Variants in FRMPD4 observed in about 807,000 individuals in gnomAD.
FRMPD4 encodes FERM and PDZ domain-containing protein 4.
Under a neutral mutation model 94.1 loss-of-function variants are expected in FRMPD4, and 22 were observed. The ratio of observed to expected loss-of-function variants is 0.23; its 90% CI spans 0.17 to 0.33. The LOEUF (loss-of-function observed/expected upper bound fraction) is 0.33, where lower values mean the gene tolerates loss of function less well. FRMPD4 is among the 10% of genes least tolerant of loss of function. The pLI, the probability that FRMPD4 is intolerant of heterozygous loss-of-function variation, is 1.00. For missense variants in FRMPD4, 1,111 were observed against 1,339.9 expected (o/e 0.83, Z 2.67); for synonymous variants, 631 against 548.6 (o/e 1.15, Z -2.10).
intron 16 of FRMPD4, among the ~76,000 whole-genome samples, chrX:12,720,103 G>A (rs1037175884): frequency 9.1e-6 from 1 of 109,481 alleles, no homozygotes; most frequent in African/African-American, 3.3e-5. Context: ...AAAGGAGGAA[G>A]AAAGAAAGAA....
At chrX:11,896,350 C>T (rs1169827618) in intron 3 of FRMPD4, among the ~76,000 whole-genome samples, 1 of 111,950 alleles carries the variant, frequency 8.9e-6, no homozygotes, top group Non-Finnish European at 1.9e-5. Flanking sequence ...CCACAAAATT[C>T]AGATGTTGAA....
rs770404995 is a variant in FRMPD4, at chrX:12,578,806, C to T, written c.159-30915C>T. 1.1e-4 allele frequency among the ~76,000 whole-genome samples: 12 copies of T among 111,920 alleles called. No homozygotes were observed. The South Asian group carries it at 4.4e-3, about 41-fold the overall frequency. The stretch of plus-strand genomic sequence containing the variant: ...AATTTTCATCCTTGTTGGAGCAATG[C>T]TGTCCCTATTGAGAATGCATGATAT... On this transcript the variant is annotated intron_variant, in intron 2 of 16. Transcript: ENST00000675598.
chrX:12,620,943 G>A (rs1400162671), intron 4 of FRMPD4, among the ~76,000 whole-genome samples: 5 of 112,360 alleles, frequency 4.4e-5, no homozygotes, highest in Non-Finnish European at 7.5e-5. Context: ...GAAGAGGGCC[G>A]GGTGCAGTGA....
chrX:12,310,999 C>T (rs938201181), intron 1 of FRMPD4, among the ~76,000 whole-genome samples: 1 of 112,625 alleles, frequency 8.9e-6, no homozygotes, highest in African/African-American at 3.2e-5. Flanking sequence ...TGGATATTCA[C>T]ATGCATAGAT....
At chrX:12,027,464 G>T (rs1051694818) in intron 3 of FRMPD4, among the ~76,000 whole-genome samples, 1 of 112,070 alleles carries the variant, frequency 8.9e-6, no homozygotes, top group African/African-American at 3.2e-5. Context: ...ACTAAAATCA[G>T]CCTGAAACAA....
intron 1 of FRMPD4, among the ~76,000 whole-genome samples, chrX:12,144,094 AG>A (rs1183854290): frequency 8.9e-6 from 1 of 112,273 alleles, no homozygotes; most frequent in Non-Finnish European, 1.9e-5. Context: ...GAGAATGCCT[AG>A]TATTTCCTTA....
At chrX:11,838,385 T>G (rs1266207490) in intron 1 of FRMPD4, among the ~76,000 whole-genome samples, 1 of 111,751 alleles carries the variant, frequency 8.9e-6, no homozygotes, top group Non-Finnish European at 1.9e-5. Flanking sequence ...GCCTTCAGGA[T>G]TGGTGTATTG....
chrX:12,431,705 A>T, intron 1 of FRMPD4, among the ~76,000 whole-genome samples: 1 of 112,097 alleles, frequency 8.9e-6, no homozygotes, highest in Non-Finnish European at 1.9e-5. Context: ...ATATAAGATT[A>T]TTAGACACAA....
intron 3 of FRMPD4, among the ~76,000 whole-genome samples, chrX:12,006,967 A>C (rs1387604336): frequency 3.6e-5 from 4 of 111,966 alleles, no homozygotes; most frequent in African/African-American, 1.3e-4. Flanking sequence ...AGTGTGGCAA[A>C]TGAAGATGGC....
intron 1 of FRMPD4, among the ~76,000 whole-genome samples, chrX:11,856,537 G>A (rs1384601136): frequency 2.7e-5 from 3 of 111,773 alleles, no homozygotes; most frequent in African/African-American, 9.8e-5. Flanking sequence ...CAATAAGCTA[G>A]ATATTGAAGG....
At chrX:12,250,460 C>T (rs373427882) in intron 1 of FRMPD4, among the ~76,000 whole-genome samples, 1 of 111,395 alleles carries the variant, frequency 9.0e-6, no homozygotes. Flanking sequence ...TTGAGAATAC[C>T]ATATGCAAAT....
chrX:11,906,866 T>C (rs1268386691), intron 3 of FRMPD4, among the ~76,000 whole-genome samples: 1 of 111,391 alleles, frequency 9.0e-6, no homozygotes, highest in Non-Finnish European at 1.9e-5. Flanking sequence ...TTTGATATTG[T>C]TTCATAAGTC....
At chrX:12,234,696 A>G (rs2057052261) in intron 1 of FRMPD4, among the ~76,000 whole-genome samples, 2 of 112,340 alleles carry the variant, frequency 1.8e-5, no homozygotes, top group Admixed American at 1.9e-4. Context: ...TTAAAATGCA[A>G]TTATATTCTA....
intron 1 of FRMPD4, among the ~76,000 whole-genome samples, chrX:12,229,778 C>T (rs923931375): frequency 5.4e-5 from 6 of 111,941 alleles, no homozygotes; most frequent in Non-Finnish European, 1.1e-4. Flanking sequence ...CACTTCTTCA[C>T]TAAAATCCTG....
chrX:12,253,737 G>C (rs2054075764), intron 1 of FRMPD4, among the ~76,000 whole-genome samples: 1 of 111,501 alleles, frequency 9.0e-6, no homozygotes, highest in Non-Finnish European at 1.9e-5. Flanking sequence ...AGTGAATGAA[G>C]GAGGAACTCC....
intron 3 of FRMPD4, among the ~76,000 whole-genome samples, chrX:12,042,932 C>T (rs780477816): frequency 8.9e-6 from 1 of 112,084 alleles, no homozygotes; most frequent in South Asian, 3.7e-4. Flanking sequence ...GGCAGTGAAG[C>T]TGCTGGGTTT....
chrX:12,557,777 C>A (rs1044845518), intron 2 of FRMPD4, among the ~76,000 whole-genome samples: 1 of 111,384 alleles, frequency 9.0e-6, no homozygotes, highest in Non-Finnish European at 1.9e-5. Flanking sequence ...GGGCCCTGAC[C>A]TTTACCTGGC....
intron 2 of FRMPD4, among the ~76,000 whole-genome samples, chrX:12,508,443 A>G (rs2058008090): frequency 8.9e-6 from 1 of 112,654 alleles, no homozygotes; most frequent in Admixed American, 9.4e-5. Context: ...ATTCTCCTAC[A>G]GGAGATAAAG....
intron 1 of FRMPD4, among the ~76,000 whole-genome samples, chrX:12,238,166 C>T (rs922292019): frequency 2.5e-4 from 28 of 111,136 alleles, no homozygotes; most frequent in African/African-American, 9.2e-4. Context: ...CTCTTGTTGC[C>T]CAGGCTGGAG....
Sources: gnomAD v4.1 joint callset for allele counts (sites outside exome capture counted in the v4.1 genomes callset) on GRCh38, gnomAD v4.1.1 for gene constraint, MANE v1.5 for transcripts, NCBI Gene and HGNC (gene_info 2026-07-23, HGNC 2026-07-21) for gene names.